Variants in CDH3 observed in about 807,000 individuals in gnomAD.
CDH3 encodes the protein cadherin 3.
A neutral mutation model predicts 82.0 loss-of-function variants in CDH3; 54 were observed. The observed-to-expected ratio is 0.66, with a 90% CI of 0.53 to 0.83. The LOEUF (loss-of-function observed/expected upper bound fraction) is 0.83. CDH3 is among the 40% of genes least tolerant of loss of function. The probability of loss-of-function intolerance (pLI) is 0.00; values close to 1 mark genes in which losing one functional copy is unlikely to be tolerated. For synonymous variants in CDH3, 446 were observed against 437.9 expected, an observed-to-expected ratio of 1.02 and a Z score of -0.23; for missense variants, 1,054 against 1,084.6, an observed-to-expected ratio of 0.97 and a Z score of 0.40.
chr16:68,647,398 G>C (rs1256880373), intron 2 of CDH3, among the ~76,000 whole-genome samples: 1 of 152,136 alleles, frequency 6.6e-6, no homozygotes, highest in Admixed American at 6.5e-5. Context: ...GAGGTTTTGG[G>C]GGGAAGCAGT....
In CDH3 at chr16:68,685,348, A is replaced by G. The variant is rs191805535; in HGVS notation, c.1568A>G (p.Asn523Ser). 2.2e-4 allele frequency: 355 copies of G among 1,613,996 alleles called. 2 individuals are homozygous for G. The highest frequency in any genetic ancestry group is 1.8e-4 in the Non-Finnish European group (212 of 1,179,972). Residue 523 changes from asparagine (N) to serine (S), a missense_variant and splice_region_variant, in exon 11 of 16, where the codon AAT becomes AGT. Physicochemically the swap from Asn to Ser is conservative, Grantham distance 46. Coordinates refer to ENST00000264012, the MANE Select transcript of CDH3 (RefSeq NM_001793.6). ...IYEVMVLAMD[N>S]GSPPTTGTGT... ...GAAGTCATGGTCTTGGCCATGGACA[A>G]TGGTGAGAGCATCCTCCCAGCCCTC... is the stretch of plus-strand genomic sequence containing the variant.
At chr16:68,682,621 A>G (rs1961265932) in intron 9 of CDH3, 134 bp downstream of exon 9, 13 of 819,854 alleles carry the variant, frequency 1.6e-5, no homozygotes, top group Admixed American at 9.9e-5. Context: ...ACACTGTTCT[A>G]CCACTCTTGT....
At chr16:68,660,878 G>T (rs1250634217) in intron 2 of CDH3, among the ~76,000 whole-genome samples, 1 of 151,268 alleles carries the variant, frequency 6.6e-6, no homozygotes, top group Non-Finnish European at 1.5e-5. Flanking sequence ...AGAATGGCGT[G>T]AACCCGGGAG....
At chr16:68,695,997 G>A (rs774381231) in intron 15 of CDH3, 74 bp downstream of exon 15, 10 of 1,522,498 alleles carry the variant, frequency 6.6e-6, no homozygotes, top group Non-Finnish European at 8.1e-6. Flanking sequence ...GAACAAGCAT[G>A]GGCCTGGAGT....
chr16:68,672,856 AG>A (rs1156648691), intron 2 of CDH3, among the ~76,000 whole-genome samples: 3 of 152,208 alleles, frequency 2.0e-5, no homozygotes, highest in African/African-American at 7.2e-5. Context: ...ACTGCCTAAA[AG>A]ATGGCCAGTG....
At position 68,707,206 on chromosome 16, in the gene CDH3, G is replaced by A. The variant is rs1961975821; in HGVS notation, c.99+11283G>A. ...AGGTTTCAGCAGGGTTTAGCAGGGA[G>A]GCCAGTGTGGCTGGAGCAGAGGGAC... On this transcript the variant is annotated intron_variant, in intron 1 of 2. Transcript: ENST00000569080. This position sits in a 1 kb window ranked among gnomAD's most constrained non-coding sequence, Gnocchi z 4.5. Among the ~76,000 whole-genome samples, 2 of 152,242 alleles carry A rather than the reference G, an allele frequency of 1.3e-5. No individual in the cohort carries two copies. The highest frequency in any genetic ancestry group is 2.9e-5 in the Non-Finnish European group (2 of 68,042).
At chr16:68,718,711 T>C (rs1340169390) in intron 1 of CDH3, among the ~76,000 whole-genome samples, 2 of 151,890 alleles carry the variant, frequency 1.3e-5, no homozygotes, top group African/African-American at 2.4e-5. Flanking sequence ...AGGAAAACAG[T>C]TTGGCAATCT....
At chr16:68,664,804 A>G (rs892283347) in intron 2 of CDH3, among the ~76,000 whole-genome samples, 8 of 151,980 alleles carry the variant, frequency 5.3e-5, no homozygotes, top group Admixed American at 1.3e-4. Flanking sequence ...GACCACAGGC[A>G]TGCACTATCA....
intron 2 of CDH3, among the ~76,000 whole-genome samples, chr16:68,673,585 A>C (rs1429495479): frequency 6.6e-6 from 1 of 151,974 alleles, no homozygotes; most frequent in Non-Finnish European, 1.5e-5. Context: ...CAGCCTCCCA[A>C]GTTGCTGGAA....
At chr16:68,676,706 C>T (rs746171533) in intron 3 of CDH3, among the ~76,000 whole-genome samples, 3 of 152,156 alleles carry the variant, frequency 2.0e-5, no homozygotes, top group Non-Finnish European at 4.4e-5. Context: ...CCAAGAGCTG[C>T]CTTGTGAGTA....
At chr16:68,651,359 G>T in intron 2 of CDH3, 1 of 554,582 alleles carries the variant, frequency 1.8e-6, no homozygotes, top group East Asian at 4.8e-5. Context: ...TGGTCCACGG[G>T]GGCAGGATAT....
intron 2 of CDH3, chr16:68,651,898 T>G: frequency 2.3e-6 from 1 of 434,514 alleles, no homozygotes; most frequent in Non-Finnish European, 4.6e-6. Flanking sequence ...AGGAGCCGGT[T>G]CTTGACCTCG....
rs1299297520 is a variant in CDH3, at chr16:68,645,786, C to T, written c.160+36C>T. 7.1e-5 allele frequency: 104 copies of T among 1,472,654 alleles called. 1 individual carries two copies. The highest frequency in any genetic ancestry group is 9.7e-5 in the South Asian group (8 of 82,274). 91.2% of individuals were successfully genotyped at this position (1,472,654 alleles called of 1,614,324 possible). On this transcript the variant is annotated intron_variant, in intron 2 of 15. Coordinates refer to ENST00000264012, the MANE Select transcript of CDH3 (RefSeq NM_001793.6). ...CAGGGTGGAACCGCAGGGTAGGGGC[C>T]GCACGTGACCATTTTGGTGTGGACC...
downstream of CDH3, among the ~76,000 whole-genome samples, chr16:68,728,854 T>C (rs1276171541): frequency 6.6e-6 from 1 of 152,180 alleles, no homozygotes; most frequent in Non-Finnish European, 1.5e-5. Context: ...TGCTTCCTGA[T>C]ACAATGCTAT....
At position 68,682,336 on chromosome 16, in the gene CDH3, A is replaced by T; in HGVS notation, c.1031A>T (p.His344Leu). The T allele has an allele frequency of 6.2e-7, 1 of 1,614,012 alleles. No individual in the cohort carries two copies. Among genetic ancestry groups the T allele is most frequent in the Non-Finnish European group, 8.5e-7 (1 of 1,180,020 alleles). The change falls in exon 9 of 16, where the codon CAT becomes CTT. Residue 344 changes from histidine to leucine, a missense_variant. Coordinates refer to ENST00000264012, the MANE Select transcript of CDH3 (RefSeq NM_001793.6). ...CATGTGCCTGAGAATGCAGTGGGCC[A>T]TGAGGTGCAGAGGCTGACGGTCACT... ...EAHVPENAVG[H>L]EVQRLTVTDL... is the part of the protein sequence containing the mutation.
At chr16:68,732,253 C>G (rs551486326), downstream of CDH3, among the ~76,000 whole-genome samples, 2 of 152,132 alleles carry the variant, frequency 1.3e-5, no homozygotes, top group Non-Finnish European at 2.9e-5. Context: ...TAATCCCTAG[C>G]AATTCCAGTT....
At chr16:68,702,033 A>G (rs1227765521), downstream of CDH3, among the ~76,000 whole-genome samples, 1 of 151,796 alleles carries the variant, frequency 6.6e-6, no homozygotes, top group African/African-American at 2.4e-5. Context: ...TAAAAAATAT[A>G]TATATCTATA....
chr16:68,657,741 T>A (rs1276746494), intron 2 of CDH3, among the ~76,000 whole-genome samples: 2 of 152,132 alleles, frequency 1.3e-5, no homozygotes, highest in South Asian at 2.1e-4. Flanking sequence ...TAGGGCTAAA[T>A]GGGGAGATGG....
downstream of CDH3, among the ~76,000 whole-genome samples, chr16:68,703,717 C>T (rs555772724): frequency 4.9e-3 from 739 of 152,170 alleles, 8 homozygotes; most frequent in African/African-American, 0.017. Context: ...GAGGCCGAGG[C>T]GGGTGGAACA....
Sources: gnomAD v4.1 joint callset for allele counts (sites outside exome capture counted in the v4.1 genomes callset) on GRCh38, gnomAD v4.1.1 for gene constraint, Gnocchi (gnomAD v3.1) non-coding constraint, MANE v1.5 for transcripts, NCBI Gene and HGNC (gene_info 2026-07-23, HGNC 2026-07-21) for gene names.